The following PNPLA7 variants were observed in gnomAD, a reference collection of about 807,000 sequenced individuals.
PNPLA7 encodes the protein patatin-like phospholipase domain-containing protein 7.
Under a neutral mutation model 161.7 loss-of-function variants are expected in PNPLA7, and 153 were observed. The ratio of observed to expected loss-of-function variants is 0.95; its 90% confidence interval spans 0.83 to 1.08. PNPLA7 has a LOEUF of 1.08. PNPLA7 is among the 50% of genes least tolerant of loss of function. The pLI, the probability that PNPLA7 is intolerant of heterozygous loss-of-function variation, is 0.00. For missense variants in PNPLA7, 1,739 were observed against 1,856.6 expected, an observed-to-expected ratio of 0.94 and a Z score of 1.16; for synonymous variants, 809 against 782.1, an observed-to-expected ratio of 1.03 and a Z score of -0.57.
At chr9:137,493,151 G>T in intron 19 of PNPLA7, 69 bp from the exon 20 acceptor site, 1 of 1,504,202 alleles carries the variant, frequency 6.6e-7, no homozygotes, top group Non-Finnish European at 9.2e-7. Flanking sequence ...CAAAGACAGT[G>T]ATGCTCAACA....
At chr9:137,462,909 C>T (rs538240638) in intron 29 of PNPLA7, 76 bp from the exon 30 acceptor site, 25 of 1,571,976 alleles carry the variant, frequency 1.6e-5, no homozygotes, top group East Asian at 6.8e-5. Context: ...CCTGCCTCTC[C>T]GAGCCCTGAC....
intron 21 of PNPLA7, 31 bp from the exon 22 acceptor site, chr9:137,481,054 G>C (rs752039586): frequency 4.5e-6 from 7 of 1,550,056 alleles, no homozygotes; most frequent in Non-Finnish European, 6.1e-6. Flanking sequence ...AACGGAGCCT[G>C]CCTGGGCAGC....
At position 137,493,054 on chromosome 9, in the gene PNPLA7, C is replaced by A; in HGVS notation, c.2156G>T (p.Gly719Val). 6.2e-7 allele frequency: 1 copy of A among 1,613,920 alleles called. No individual in the cohort carries two copies. Among genetic ancestry groups the A allele is most frequent in the East Asian group, 2.2e-5 (1 of 44,884 alleles). Residue 719 changes from glycine to valine, a missense_variant, in exon 20 of 35, where the codon GGT becomes GTT. Transcript: ENST00000406427. The part of the protein sequence containing the change: ...QVVTRLIHLL[G>V]EKILGSLQQG... ...CTGGAGGCTGCCCAGGATCTTCTCA[C>A]CCAAGAGATGAATCAGCCGAGTCAC...
Position 137,462,063 on chromosome 9 carries a change from C to A in PNPLA7, c.3646-22G>T. On this transcript the variant is annotated intron_variant, in intron 31 of 34. Transcript: ENST00000406427. ...CTTCCTGTGCACACCCCCAGGGCCC[C>A]GTCAGGAGGTGTGGGGAGCCCCCCA... 1.9e-6 allele frequency: 3 copies of A among 1,554,428 alleles called. No individual in the cohort carries two copies. In the East Asian group the frequency reaches 7.2e-5, roughly 37 times the overall value.
At chr9:137,465,025 C>T (rs768373124) in intron 26 of PNPLA7, among the ~76,000 whole-genome samples, 16 of 152,172 alleles carry the variant, frequency 1.1e-4, no homozygotes, top group Non-Finnish European at 2.2e-4. Flanking sequence ...AGGCAGGACT[C>T]GAGACTGACC....
chr9:137,517,946 C>CT (rs1373559584), intron 11 of PNPLA7, among the ~76,000 whole-genome samples: 13 of 91,446 alleles, frequency 1.4e-4, no homozygotes, highest in East Asian at 3.6e-4. Context: ...CACTCCATCC[C>CT]CACTCACTCA....
At chr9:137,497,149 C>G (rs770464968) in intron 18 of PNPLA7, 38 bp downstream of exon 18, 4 of 1,499,880 alleles carry the variant, frequency 2.7e-6, no homozygotes, top group Non-Finnish European at 3.6e-6. Flanking sequence ...GGGAGGGATG[C>G]AGAGGTGGGG....
At chr9:137,479,655 C>T in intron 23 of PNPLA7, 2 of 985,390 alleles carry the variant, frequency 2.0e-6, no homozygotes, top group African/African-American at 1.7e-5. Flanking sequence ...GAGAACAGAG[C>T]AGGGAGCAGA....
rs555244872 is a variant in PNPLA7, at chr9:137,523,207, C to T, written c.748-350G>A. ...GCTCACCAGCGTCCTACTCTACGTCCGACATCAGCGTCGGTACCCCTCGCC... is the reference window on the plus strand; with the variant it reads ...GCTCACCAGCGTCCTACTCTACGTCTGACATCAGCGTCGGTACCCCTCGCC... On this transcript the variant is annotated intron_variant, in intron 8 of 34. Transcript: ENST00000406427. The surrounding 1 kb of genome is among the most constrained non-coding windows in gnomAD (Gnocchi z 4.4). Among the ~76,000 whole-genome samples the T allele has an allele frequency of 6.6e-5, 10 of 152,316 alleles. No homozygotes were observed. The East Asian group carries it at 1.2e-3, about 18-fold the overall frequency.
intron 29 of PNPLA7, 145 bp downstream of exon 29, chr9:137,463,270 G>T: frequency 1.4e-6 from 1 of 735,068 alleles, no homozygotes; most frequent in Non-Finnish European, 2.2e-6. Flanking sequence ...TCTGATGCCA[G>T]CCTGACATTT....
intron 12 of PNPLA7, among the ~76,000 whole-genome samples, chr9:137,508,567 C>CA (rs35287833): frequency 0.018 from 2,507 of 138,818 alleles, 37 homozygotes; most frequent in African/African-American, 0.044. Context: ...GACTCTGTCT[C>CA]AAAAAAAAAA....
intron 33 of PNPLA7, 121 bp downstream of exon 33, chr9:137,461,415 C>T: frequency 9.2e-7 from 1 of 1,092,078 alleles, no homozygotes; most frequent in Non-Finnish European, 1.3e-6. Context: ...GCTGCTGGAG[C>T]CTGGGCGTGG....
At chr9:137,548,173 G>C (rs1435614296) in intron 1 of PNPLA7, among the ~76,000 whole-genome samples, 1 of 152,216 alleles carries the variant, frequency 6.6e-6, no homozygotes, top group Non-Finnish European at 1.5e-5. Flanking sequence ...GCGGGAGGGA[G>C]GGAAGAGAGG....
At position 137,504,025 on chromosome 9, in the gene PNPLA7, G is replaced by C. The variant is rs536226053; in HGVS notation, c.1473+1589C>G. The stretch of plus-strand genomic sequence containing the variant: ...AAGAAAGAAGAAGGAAGAAGAAGAA[G>C]GAGGAGGAAGGAAGAAGAAAGAAGA... On this transcript the variant is annotated intron_variant, in intron 14 of 34. Coordinates refer to ENST00000406427, the MANE Select transcript of PNPLA7 (RefSeq NM_001098537.3). Among the ~76,000 whole-genome samples, 5 of 57,988 alleles carry C rather than the reference G, an allele frequency of 8.6e-5. No individual in the cohort carries two copies. In the East Asian group the frequency reaches 2.8e-3, roughly 33 times the overall value. The allele number at this position is 57,988 out of a possible 152,430, so 38.0% of individuals were successfully genotyped here.
chr9:137,513,788 A>G (rs2132410477), intron 12 of PNPLA7, among the ~76,000 whole-genome samples: 1 of 152,388 alleles, frequency 6.6e-6, no homozygotes, highest in Non-Finnish European at 1.5e-5. Context: ...GAAACTAACC[A>G]GGGACCTCTA....
intron 14 of PNPLA7, among the ~76,000 whole-genome samples, chr9:137,502,593 C>CGAGGAG (rs369333731): frequency 1.5e-5 from 2 of 132,172 alleles, no homozygotes; most frequent in East Asian, 5.0e-4. Context: ...GTTGTCAGCC[C>CGAGGAG]GAGGAGGAGC....
chr9:137,513,997 C>T (rs1236884462), intron 12 of PNPLA7, among the ~76,000 whole-genome samples: 2 of 152,230 alleles, frequency 1.3e-5, no homozygotes, highest in East Asian at 1.9e-4. Context: ...GCTGCACTGC[C>T]GGGCAGGATG....
At chr9:137,528,631 C>T (rs528427676) in intron 8 of PNPLA7, among the ~76,000 whole-genome samples, 3 of 151,290 alleles carry the variant, frequency 2.0e-5, no homozygotes, top group South Asian at 2.1e-4. Flanking sequence ...CATCTGACAT[C>T]GACTTTGTCT....
intron 14 of PNPLA7, among the ~76,000 whole-genome samples, chr9:137,503,885 G>A: frequency 8.1e-6 from 1 of 123,532 alleles, no homozygotes; most frequent in Admixed American, 8.0e-5. Context: ...GAAGAAAGAA[G>A]AAGGAAGAAG....
Sources: gnomAD v4.1 joint callset for allele counts (sites outside exome capture counted in the v4.1 genomes callset) on GRCh38, gnomAD v4.1.1 for gene constraint, Gnocchi (gnomAD v3.1) non-coding constraint, MANE v1.5 for transcripts, NCBI Gene and HGNC (gene_info 2026-07-23, HGNC 2026-07-21) for gene names.